SLC38A9: variants seen among roughly 807,000 people sequenced by gnomAD.
SLC38A9 encodes solute carrier family 38 member 9, also known as neutral amino acid transporter 9.
Under a neutral mutation model 62.3 loss-of-function variants are expected in SLC38A9, and 48 were observed. The observed-to-expected ratio is 0.77, with a 90% CI of 0.61 to 0.98. The LOEUF (loss-of-function observed/expected upper bound fraction) is 0.98. Ranked by LOEUF, SLC38A9 falls within the 50% of genes least tolerant of loss-of-function variation. The pLI, the probability that SLC38A9 is intolerant of heterozygous loss-of-function variation, is 0.00. For synonymous variants in SLC38A9, 204 were observed against 227.7 expected (o/e 0.90, Z 0.94); for missense variants, 541 against 679.8 (o/e 0.80, Z 2.27).
Position 55,709,925 on chromosome 5 carries a change from C to T in SLC38A9, c.-35+1527G>A, listed in dbSNP as rs190624913. Among the ~76,000 whole-genome samples, 874 of 151,362 alleles carry T rather than the reference C, an allele frequency of 5.8e-3. 10 individuals are homozygous for T. Among genetic ancestry groups the T allele is most frequent in the African/African-American group, 0.02 (842 of 41,352 alleles). On this transcript the variant is annotated intron_variant, in intron 2 of 15. Coordinates refer to ENST00000396865, the MANE Select transcript of SLC38A9 (RefSeq NM_173514.4). ...ACCAAAACACACACAAAAAATTAGC[C>T]GGGTATGGTGGCGTGTGCCTGTAGT...
In SLC38A9 at chr5:55,672,699, C is replaced by A. The variant is rs1489888276; in HGVS notation, c.114-4G>T. 6.2e-7 allele frequency: 1 copy of A among 1,611,804 alleles called. No homozygotes were observed. The highest frequency in any genetic ancestry group is 8.5e-7 in the Non-Finnish European group (1 of 1,179,550). ...TGTGGGCTCTATACAGAAAGGCCTA[C>A]AAAGGGAATATACACTTGACAAAAA... On this transcript the variant is annotated splice_polypyrimidine_tract_variant and splice_region_variant and intron_variant, in intron 3 of 15. Transcript: ENST00000396865.
At chr5:55,662,696 A>AG (rs1165730835) in intron 8 of SLC38A9, among the ~76,000 whole-genome samples, 2 of 151,580 alleles carry the variant, frequency 1.3e-5, no homozygotes, top group African/African-American at 2.4e-5. Context: ...CCAAAAAAAA[A>AG]AAATGCAAAA....
At chr5:55,674,984 T>C (rs2150376512) in intron 3 of SLC38A9, among the ~76,000 whole-genome samples, 1 of 152,310 alleles carries the variant, frequency 6.6e-6, no homozygotes, top group Non-Finnish European at 1.5e-5. Flanking sequence ...GCAAAAATGA[T>C]GCCCTACAAA....
intron 11 of SLC38A9, among the ~76,000 whole-genome samples, chr5:55,648,687 CA>C (rs1425021745): frequency 6.6e-6 from 1 of 152,044 alleles, no homozygotes; most frequent in Non-Finnish European, 1.5e-5. Flanking sequence ...GGCCAACAAA[CA>C]TATGAAAAGT....
At chr5:55,658,211 T>C (rs2150238494) in intron 8 of SLC38A9, among the ~76,000 whole-genome samples, 1 of 152,196 alleles carries the variant, frequency 6.6e-6, no homozygotes, top group East Asian at 1.9e-4. Flanking sequence ...TCACCCAGGC[T>C]GGGGTAGAGT....
chr5:55,632,131 A>G (rs1743569009), intron 14 of SLC38A9, among the ~76,000 whole-genome samples: 1 of 152,254 alleles, frequency 6.6e-6, no homozygotes, highest in African/African-American at 2.4e-5. Context: ...ACAATTGATC[A>G]TTTATGTAAA....
chr5:55,630,645 T>A (rs923947506), intron 14 of SLC38A9, among the ~76,000 whole-genome samples: 2 of 152,110 alleles, frequency 1.3e-5, no homozygotes, highest in Non-Finnish European at 2.9e-5. Flanking sequence ...AGCAGTTATT[T>A]TTATTTTTTT....
chr5:55,626,817 C>T (rs1742525760), intron 15 of SLC38A9, among the ~76,000 whole-genome samples, 158 bp from the exon 16 acceptor site: 2 of 152,130 alleles, frequency 1.3e-5, no homozygotes. Context: ...GGGTTTAAAA[C>T]TTACTTTACT....
chr5:55,646,926 G>T (rs753332944), intron 11 of SLC38A9, among the ~76,000 whole-genome samples: 6 of 151,940 alleles, frequency 3.9e-5, no homozygotes, highest in African/African-American at 9.7e-5. Flanking sequence ...AAGTTTAAAA[G>T]AATTATTTTT....
rs556176037 is a variant in SLC38A9 at position 55,704,963 on chromosome 5, G to A, written c.-35+6489C>T. On this transcript the variant is annotated intron_variant, in intron 2 of 15. Coordinates refer to ENST00000396865, the MANE Select transcript of SLC38A9 (RefSeq NM_173514.4). ...TGAGATAATACATATAATGTGGCTG[G>A]TACACACTGAATATTCAACAAACAT... Among the ~76,000 whole-genome samples the A allele has an allele frequency of 1.3e-5, 2 of 152,174 alleles. 1 individual carries two copies. The highest frequency in any genetic ancestry group is 4.1e-4 in the South Asian group (2 of 4,822).
At chr5:55,652,747 AAAG>A (rs754163192) in intron 9 of SLC38A9, 24 bp from the exon 10 acceptor site, 4 of 1,570,182 alleles carry the variant, frequency 2.5e-6, no homozygotes, top group Non-Finnish European at 3.4e-6. Flanking sequence ...GCACCAGATT[AAAG>A]AAGATGACAA....
intron 10 of SLC38A9, 49 bp from the exon 11 acceptor site, chr5:55,649,363 A>G (rs1279113758): frequency 2.6e-6 from 3 of 1,171,332 alleles, no homozygotes; most frequent in Non-Finnish European, 3.6e-6. Flanking sequence ...TGTGTTTTAC[A>G]GATTATTTTA....
chr5:55,699,793 C>A (rs967393418), intron 2 of SLC38A9, among the ~76,000 whole-genome samples: 1 of 151,626 alleles, frequency 6.6e-6, no homozygotes, highest in South Asian at 2.1e-4. Flanking sequence ...AGAAAATTAA[C>A]GACATAGAAG....
intron 3 of SLC38A9, among the ~76,000 whole-genome samples, chr5:55,677,634 T>C (rs796469587): frequency 9.9e-5 from 15 of 152,162 alleles, no homozygotes; most frequent in African/African-American, 3.4e-4. Flanking sequence ...GAGGCTCAAG[T>C]GATCCTCTTG....
chr5:55,654,123 C>A (rs1748002661), intron 9 of SLC38A9, among the ~76,000 whole-genome samples: 1 of 152,164 alleles, frequency 6.6e-6, no homozygotes, highest in Non-Finnish European at 1.5e-5. Flanking sequence ...TATTAAGTAA[C>A]CCTTATGCTC....
chr5:55,651,674 G>C (rs1009696298), intron 10 of SLC38A9, among the ~76,000 whole-genome samples: 2 of 152,128 alleles, frequency 1.3e-5, no homozygotes, highest in African/African-American at 4.8e-5. Context: ...CTGAGGAAGA[G>C]AGCAAAAGCA....
At position 55,660,120 on chromosome 5, in the gene SLC38A9, C is replaced by T. The variant is rs190777035; in HGVS notation, c.698-3346G>A. Reference sequence around the variant, plus strand: ...GCAAGTTTGCTAGATTAAAGATAAACATTCAAGGGGCAGGGCACGGTGGGT... The same window carrying T: ...GCAAGTTTGCTAGATTAAAGATAAATATTCAAGGGGCAGGGCACGGTGGGT... On this transcript the variant is annotated intron_variant, in intron 8 of 15. Coordinates refer to ENST00000396865, the MANE Select transcript of SLC38A9 (RefSeq NM_173514.4). Among the ~76,000 whole-genome samples the T allele has an allele frequency of 6.3e-3, 944 of 150,116 alleles. 10 individuals carry two copies. Among genetic ancestry groups the T allele is most frequent in the African/African-American group, 0.022 (915 of 41,062 alleles).
chr5:55,701,089 C>T (rs1384654887), intron 2 of SLC38A9, among the ~76,000 whole-genome samples: 1 of 152,138 alleles, frequency 6.6e-6, no homozygotes, highest in African/African-American at 2.4e-5. Context: ...GTCACACTAG[C>T]TACATTTGAA....
At chr5:55,662,688 A>AAAC (rs1749799409) in intron 8 of SLC38A9, among the ~76,000 whole-genome samples, 2 of 7,558 alleles carry the variant, frequency 2.6e-4, no homozygotes, top group African/African-American at 5.0e-4. Context: ...AAAAAAAACC[A>AAAC]AAAAAAAAAA....
Sources: gnomAD v4.1 joint callset for allele counts (sites outside exome capture counted in the v4.1 genomes callset) on GRCh38, gnomAD v4.1.1 for gene constraint, MANE v1.5 for transcripts, NCBI Gene and HGNC (gene_info 2026-07-23, HGNC 2026-07-21) for gene names.